NPAS3: variants seen among roughly 807,000 people sequenced by gnomAD.
NPAS3 encodes neuronal PAS domain protein 3.
A neutral mutation model predicts 73.1 loss-of-function variants in NPAS3; 14 were observed. That is an observed-to-expected ratio of 0.19 (90% CI 0.13 to 0.30). The LOEUF is 0.30. Ranked by LOEUF, NPAS3 falls within the 10% of genes least tolerant of loss-of-function variation. The probability of loss-of-function intolerance (pLI) is 1.00; values close to 1 mark genes in which losing one functional copy is unlikely to be tolerated. For synonymous variants in NPAS3, 620 were observed against 541.5 expected, an observed-to-expected ratio of 1.14 and a Z score of -2.01; for missense variants, 1,096 against 1,250.0, an observed-to-expected ratio of 0.88 and a Z score of 1.86.
At chr14:33,104,632 T>C (rs1318107502) in intron 2 of NPAS3, among the ~76,000 whole-genome samples, 2 of 152,204 alleles carry the variant, frequency 1.3e-5, no homozygotes, top group Non-Finnish European at 2.9e-5. Flanking sequence ...TAGTGTTGGA[T>C]GCCAGTTGGC....
chr14:33,452,329 G>A (rs2049830853), intron 4 of NPAS3, among the ~76,000 whole-genome samples: 2 of 152,082 alleles, frequency 1.3e-5, no homozygotes, highest in Admixed American at 6.5e-5. Flanking sequence ...TTGTAATCAT[G>A]GTGACAAACT....
chr14:33,247,578 T>C (rs1374434283), intron 3 of NPAS3, among the ~76,000 whole-genome samples: 1 of 152,082 alleles, frequency 6.6e-6, no homozygotes, highest in Non-Finnish European at 1.5e-5. Context: ...TTCTTGTAAA[T>C]TCTTGCTACT....
intron 1 of NPAS3, among the ~76,000 whole-genome samples, chr14:32,975,903 G>GAC (rs2037655012): frequency 6.6e-6 from 1 of 151,278 alleles, no homozygotes; most frequent in African/African-American, 2.4e-5. Flanking sequence ...GTGTGAGAGA[G>GAC]AGAGAGTTTG....
intron 7 of NPAS3, among the ~76,000 whole-genome samples, chr14:33,754,460 G>A (rs967670542): frequency 2.6e-5 from 4 of 152,154 alleles, no homozygotes; most frequent in South Asian, 4.1e-4. Flanking sequence ...CCTCATGTTC[G>A]TGGAATGCTT....
At chr14:33,321,510 A>G (rs1447739540) in intron 3 of NPAS3, among the ~76,000 whole-genome samples, 2 of 151,924 alleles carry the variant, frequency 1.3e-5, no homozygotes, top group Non-Finnish European at 1.5e-5. Flanking sequence ...GGGGGTTAAT[A>G]TACATGATGT....
intron 2 of NPAS3, among the ~76,000 whole-genome samples, chr14:33,176,179 C>CT (rs2045582959): frequency 6.6e-6 from 1 of 152,166 alleles, no homozygotes; most frequent in Admixed American, 6.5e-5. Context: ...ACCAAAAAAA[C>CT]TAGCTATATA....
chr14:33,008,332 C>T (rs920437303), intron 1 of NPAS3, among the ~76,000 whole-genome samples: 1 of 152,198 alleles, frequency 6.6e-6, no homozygotes, highest in African/African-American at 2.4e-5. Context: ...GTAACATATA[C>T]AATACAACAC....
At chr14:33,469,833 A>G (rs1292888740) in intron 4 of NPAS3, among the ~76,000 whole-genome samples, 1 of 151,984 alleles carries the variant, frequency 6.6e-6, no homozygotes, top group African/African-American at 2.4e-5. Context: ...TTGCTGCATT[A>G]AAAAAAATTA....
chr14:33,428,792 A>G (rs1006396817), intron 4 of NPAS3, among the ~76,000 whole-genome samples: 3 of 152,130 alleles, frequency 2.0e-5, no homozygotes, highest in Non-Finnish European at 2.9e-5. Context: ...ATTGATTTGT[A>G]TAAGATGAGC....
chr14:33,731,543 T>C (rs1396582405), intron 6 of NPAS3, among the ~76,000 whole-genome samples: 1 of 152,002 alleles, frequency 6.6e-6, no homozygotes, highest in Non-Finnish European at 1.5e-5. Context: ...AACCTGGCCC[T>C]AGTTTCAGCC....
chr14:33,704,607 C>A (rs2060608599), intron 6 of NPAS3, among the ~76,000 whole-genome samples: 1 of 152,162 alleles, frequency 6.6e-6, no homozygotes, highest in Admixed American at 6.6e-5. Flanking sequence ...TGGCAGGGAT[C>A]AGCTTGATAA....
chr14:33,417,889 T>C (rs375986056), intron 4 of NPAS3, among the ~76,000 whole-genome samples: 2 of 152,158 alleles, frequency 1.3e-5, no homozygotes, highest in East Asian at 3.9e-4. Context: ...TTTAAAAACT[T>C]GTATTGACAG....
chr14:33,131,366 T>A (rs1318471815), intron 2 of NPAS3, among the ~76,000 whole-genome samples: 1 of 152,056 alleles, frequency 6.6e-6, no homozygotes, highest in African/African-American at 2.4e-5. Context: ...ATTCTCCAAG[T>A]TCTCCAGCTC....
At chr14:33,635,709 G>A (rs1046773927) in intron 5 of NPAS3, among the ~76,000 whole-genome samples, 11 of 152,144 alleles carry the variant, frequency 7.2e-5, no homozygotes, top group Admixed American at 4.6e-4. Flanking sequence ...AACTACTGAT[G>A]TACCCTCCAG....
intron 4 of NPAS3, among the ~76,000 whole-genome samples, chr14:33,533,651 T>C (rs10134498): frequency 0.43 from 64,807 of 152,026 alleles, 15,755 homozygotes; most frequent in African/African-American, 0.69. Flanking sequence ...CATTGTGGCA[T>C]TGCTTCTAAT....
chr14:33,158,999 C>T (rs2044749941), intron 2 of NPAS3, among the ~76,000 whole-genome samples: 1 of 151,940 alleles, frequency 6.6e-6, no homozygotes, highest in Non-Finnish European at 1.5e-5. Context: ...ACTGCCTCTA[C>T]CAAAAATACA....
chr14:33,461,018 C>T (rs888930098), intron 4 of NPAS3, among the ~76,000 whole-genome samples: 7 of 152,320 alleles, frequency 4.6e-5, no homozygotes, highest in African/African-American at 1.2e-4. Context: ...ACCATATCAA[C>T]GATTCTACAA....
At chr14:33,568,632 T>C (rs1021528174) in intron 5 of NPAS3, among the ~76,000 whole-genome samples, 2 of 152,222 alleles carry the variant, frequency 1.3e-5, no homozygotes, top group Non-Finnish European at 2.9e-5. Flanking sequence ...ATTAAATTCA[T>C]GTGAAATCCA....
At chr14:33,418,840 G>A (rs1019345406) in intron 4 of NPAS3, among the ~76,000 whole-genome samples, 1 of 151,864 alleles carries the variant, frequency 6.6e-6, no homozygotes, top group African/African-American at 2.4e-5. Context: ...CCAGAGGCTT[G>A]TCCTACTATA....
Sources: allele counts gnomAD v4.1 joint callset (sites outside exome capture counted in the v4.1 genomes callset), GRCh38; gene constraint gnomAD v4.1.1; transcripts MANE v1.5; gene names NCBI Gene and HGNC (gene_info 2026-07-23, HGNC 2026-07-21).